PTGS1: variants seen among roughly 807,000 people sequenced by gnomAD.
The protein encoded by PTGS1 is prostaglandin-endoperoxide synthase 1.
PTGS1 carries 40 observed loss-of-function variants against 63.0 expected under a neutral mutation model. The ratio of observed to expected loss-of-function variants is 0.63; its 90% CI spans 0.49 to 0.83. PTGS1 has a LOEUF of 0.83. Ranked by LOEUF, PTGS1 falls within the 40% of genes least tolerant of loss-of-function variation. The pLI is 0.00. For synonymous variants in PTGS1, 298 were observed against 301.9 expected (o/e 0.99, Z 0.13); for missense variants, 709 against 786.5 (o/e 0.90, Z 1.18).
In PTGS1 at chr9:122,395,142, G is replaced by A. The variant is rs1189697452; in HGVS notation, c.*2598G>A. 2.0e-5 allele frequency: 3 copies of A among 152,330 alleles called. No individual in the cohort carries two copies. The highest frequency in any genetic ancestry group is 7.2e-5 in the African/African-American group (3 of 41,454). The allele number at this position is 152,330 out of a possible 1,614,324, so 9.4% of individuals were successfully genotyped here. Reference sequence around the variant, plus strand: ...CAGCTGGGGCTAGGGGAAGGGCTTTGAGGGTGGAAGGATGGGATGGGTTCC... The same window carrying A: ...CAGCTGGGGCTAGGGGAAGGGCTTTAAGGGTGGAAGGATGGGATGGGTTCC... On this transcript the variant is annotated 3_prime_UTR_variant, in exon 11 of 11. Transcript: ENST00000362012.
rs1838161356 is a variant in PTGS1 at position 122,390,607 on chromosome 9, T to TA, written c.1444+263dup. 2.0e-5 allele frequency among the ~76,000 whole-genome samples: 3 copies of TA among 151,982 alleles called. No individual in the cohort carries two copies. In the South Asian group the frequency reaches 6.2e-4, roughly 32 times the overall value. ...GTGTTTTAGGCAGAGCAATAGAAAG[T>TA]ACAAAGGCTGCCGGGCAAGGTGGCT... is the stretch of plus-strand genomic sequence containing the variant. On this transcript the variant is annotated intron_variant, in intron 10 of 10. Coordinates refer to ENST00000362012, the MANE Select transcript of PTGS1 (RefSeq NM_000962.4).
rs748027439 is a variant in PTGS1 at position 122,377,996 on chromosome 9, C to T, written c.192C>T (p.Ser64=). 1.2e-5 allele frequency: 20 copies of T among 1,613,174 alleles called. No individual in the cohort carries two copies. The highest frequency in any genetic ancestry group is 3.3e-5 in the Admixed American group (2 of 60,006). Residue 64 remains serine, a synonymous_variant, in exon 3 of 11, where the codon TCC becomes TCT. Transcript: ENST00000362012. ...YQCDCTRTGY[S]GPNCTIPGLW... ...GTGACTGCACCCGCACGGGCTATTC[C>T]GGCCCCAACTGCACCATCCGTGAGC...
rs1588144801 is a variant in PTGS1 at position 122,391,930 on chromosome 9, A to T, written c.1445-259A>T. 2.0e-5 allele frequency among the ~76,000 whole-genome samples: 3 copies of T among 152,132 alleles called. No homozygotes were observed. In the South Asian group the frequency reaches 6.2e-4, roughly 32 times the overall value. On this transcript the variant is annotated intron_variant, in intron 10 of 10. Coordinates refer to ENST00000362012, the MANE Select transcript of PTGS1 (RefSeq NM_000962.4). ...TTATAGGCTGTTTGGTGGCAGATCT[A>T]GGCCCCTGACTTTCTCTTTAGTAGC...
rs201084893 is a variant in PTGS1 at position 122,392,423 on chromosome 9, C to T, written c.1679C>T (p.Thr560Met). The T allele has an allele frequency of 1.1e-4, 172 of 1,614,160 alleles. No homozygotes were observed. Among genetic ancestry groups the T allele is most frequent in the Non-Finnish European group, 1.3e-4 (149 of 1,180,030 alleles). Reference sequence around the variant, plus strand: ...GAGGTGGGCTTTAACATTGTCAAGACGGCCACACTGAAGAAGCTGGTCTGC... The same window carrying T: ...GAGGTGGGCTTTAACATTGTCAAGATGGCCACACTGAAGAAGCTGGTCTGC... ...GGEVGFNIVK[T>M]ATLKKLVCLN... Residue 560 changes from threonine to methionine, a missense_variant, in exon 11 of 11, where the codon ACG becomes ATG. Transcript: ENST00000362012.
At chr9:122,382,670 C>T (rs988221145) in intron 7 of PTGS1, among the ~76,000 whole-genome samples, 3 of 152,142 alleles carry the variant, frequency 2.0e-5, no homozygotes, top group Non-Finnish European at 2.9e-5. Context: ...CATATTGGAT[C>T]GTACAAATCT....
chr9:122,371,128 T>A (rs1836773587), intron 1 of PTGS1, 37 bp downstream of exon 1: 8 of 1,606,304 alleles, frequency 5.0e-6, no homozygotes, highest in Non-Finnish European at 5.9e-6. Flanking sequence ...GGAATTTTCT[T>A]GGCCTCCTGG....
intron 2 of PTGS1, 90 bp downstream of exon 2, chr9:122,371,362 G>T (rs1836794695): frequency 6.4e-7 from 1 of 1,574,086 alleles, no homozygotes; most frequent in East Asian, 2.3e-5. Context: ...AGCGGGCCCA[G>T]CTTCCCCTTT....
At chr9:122,370,969 G>C, upstream of PTGS1, 1 of 1,490,802 alleles carries the variant, frequency 6.7e-7, no homozygotes, top group Non-Finnish European at 9.0e-7. Flanking sequence ...CTGGAGGGAG[G>C]AGCGGGGGTG....
chr9:122,374,767 C>T (rs1448414076), intron 2 of PTGS1, among the ~76,000 whole-genome samples: 2 of 152,192 alleles, frequency 1.3e-5, no homozygotes, highest in Admixed American at 6.5e-5. Context: ...AAATCCAACT[C>T]AACTGGGTCA....
Position 122,383,652 on chromosome 9 carries a change from G to C in PTGS1, c.906G>C (p.Thr302=). ...TTCCTGGGCTCATGCTGTATGCCACGCTCTGGCTACGTGAGCACAACCGTG... is the reference window on the plus strand; with the variant it reads ...TTCCTGGGCTCATGCTGTATGCCACCCTCTGGCTACGTGAGCACAACCGTG... ...GLLPGLMLYA[T]LWLREHNRVC... is the part of the protein sequence containing the mutation. Residue 302 remains threonine, a synonymous_variant, in exon 8 of 11, where the codon ACG becomes ACC. Transcript: ENST00000362012. The C allele has an allele frequency of 6.2e-7, 1 of 1,614,150 alleles. No individual in the cohort carries two copies. The highest frequency in any genetic ancestry group is 8.5e-7 in the Non-Finnish European group (1 of 1,180,038).
chr9:122,377,980 C>T lies in PTGS1; in HGVS notation c.176C>T (p.Thr59Ile), dbSNP rs765660071. The change falls in exon 3 of 11, where the codon ACC becomes ATC. Residue 59 changes from threonine (T) to isoleucine (I), a missense_variant. Transcript: ENST00000362012. ...CTTGACCGCTACCAGTGTGACTGCA[C>T]CCGCACGGGCTATTCCGGCCCCAAC... ...FGLDRYQCDC[T>I]RTGYSGPNCT... is the part of the protein sequence containing the mutation. 6 of 1,613,836 alleles carry T rather than the reference C, an allele frequency of 3.7e-6. No individual in the cohort carries two copies. The highest frequency in any genetic ancestry group is 1.7e-4 in the Middle Eastern group (1 of 6,060).
At chr9:122,384,445 T>C (rs1029375749) in intron 8 of PTGS1, among the ~76,000 whole-genome samples, 2 of 151,986 alleles carry the variant, frequency 1.3e-5, no homozygotes, top group Non-Finnish European at 2.9e-5. Flanking sequence ...AGCCAGGCAT[T>C]GGGAATAGGA....
In PTGS1 at chr9:122,390,287, C is replaced by A. The variant is rs1838132748; in HGVS notation, c.1386C>A (p.Phe462Leu). ...CTCGGGAGATGCGGCTGCAGCCCTT[C>A]AATGAGTACCGCAAGAGGTTTGGCA... is the stretch of plus-strand genomic sequence containing the variant. ...RESREMRLQP[F>L]NEYRKRFGMK... is the part of the protein sequence containing the mutation. Residue 462 changes from phenylalanine to leucine, a missense_variant, in exon 10 of 11, where the codon TTC becomes TTA. Phe to Leu is a conservative substitution (Grantham distance 22). Transcript: ENST00000362012. 3 of 1,614,186 alleles carry A rather than the reference C, an allele frequency of 1.9e-6. No individual in the cohort carries two copies.
intron 2 of PTGS1, among the ~76,000 whole-genome samples, chr9:122,373,209 C>T (rs1418434727): frequency 6.6e-6 from 1 of 152,194 alleles, no homozygotes; most frequent in Non-Finnish European, 1.5e-5. Context: ...GGGGATGAGA[C>T]TGGAGGCCAG....
In PTGS1 at chr9:122,393,514, T is replaced by G. The variant is rs1266345551; in HGVS notation, c.*970T>G. 6.6e-6 allele frequency: 1 copy of G among 152,216 alleles called. No individual in the cohort carries two copies. The highest frequency in any genetic ancestry group is 2.4e-5 in the African/African-American group (1 of 41,422). 9.4% of individuals were successfully genotyped at this position (152,216 alleles called of 1,614,324 possible). A position where few individuals can be genotyped will look rare whatever the true frequency, so the allele number is the denominator to read the frequency against. Reference sequence around the variant, plus strand: ...CACTGCCCTTTTCAGGAAGCTCTCTTAAAATACCCATTGCCCCAGACCTGG... The same window carrying G: ...CACTGCCCTTTTCAGGAAGCTCTCTGAAAATACCCATTGCCCCAGACCTGG... On this transcript the variant is annotated 3_prime_UTR_variant, in exon 11 of 11. Coordinates refer to ENST00000362012, the MANE Select transcript of PTGS1 (RefSeq NM_000962.4).
intron 2 of PTGS1, among the ~76,000 whole-genome samples, chr9:122,375,960 G>A (rs902203932): frequency 4.6e-5 from 7 of 152,158 alleles, no homozygotes; most frequent in Admixed American, 2.6e-4. Flanking sequence ...TGTGTGCCAG[G>A]GTTGGGAGCT....
chr9:122,374,659 C>T (rs1456828024), intron 2 of PTGS1, among the ~76,000 whole-genome samples: 1 of 152,196 alleles, frequency 6.6e-6, no homozygotes, highest in East Asian at 1.9e-4. Context: ...TGTACGAATA[C>T]TTCCTAAAGA....
chr9:122,391,430 T>TATATATATATATATAC (rs1838276608), intron 10 of PTGS1, among the ~76,000 whole-genome samples: 17 of 25,388 alleles, frequency 6.7e-4, no homozygotes, highest in South Asian at 4.8e-3. Flanking sequence ...TATATATACA[T>TATATATATATATATAC]ATATATATAT....
rs745776199 is a variant in PTGS1, at chr9:122,381,406, C to T, written c.532C>T (p.Arg178Cys). Residue 178 changes from arginine to cysteine, a missense_variant, in exon 6 of 11, where the codon CGC (arginine) becomes TGC (cysteine). Arg to Cys is a radical substitution (Grantham distance 180). Transcript: ENST00000362012. ...KQLPDAQLLA[R>C]RFLLRRKFIP... ...GTTGCCAGATGCCCAGCTCCTGGCC[C>T]GCCGCTTCCTGCTCAGGAGGAAGTT... The T allele has an allele frequency of 1.1e-5, 18 of 1,613,946 alleles. No individual in the cohort carries two copies. Among genetic ancestry groups the T allele is most frequent in the South Asian group, 9.9e-5 (9 of 91,076 alleles).
Sources: gnomAD v4.1 joint callset for allele counts (sites outside exome capture counted in the v4.1 genomes callset) on GRCh38, gnomAD v4.1.1 for gene constraint, MANE v1.5 for transcripts, NCBI Gene and HGNC (gene_info 2026-07-23, HGNC 2026-07-21) for gene names.